The following SERINC5 variants were observed in gnomAD, a reference collection of about 807,000 sequenced individuals.
The protein encoded by SERINC5 is serine incorporator 5.
A neutral mutation model predicts 63.1 loss-of-function variants in SERINC5; 41 were observed. The observed-to-expected ratio is 0.65, with a 90% CI of 0.51 to 0.84. SERINC5 has a LOEUF of 0.84. Among genes scored for constraint, SERINC5 ranks in the 40% least tolerant of loss-of-function variants. SERINC5 has a pLI of 0.00. For synonymous variants in SERINC5, 222 were observed against 215.2 expected (o/e 1.03, Z -0.28); for missense variants, 523 against 573.0 (o/e 0.91, Z 0.89).
intron 1 of SERINC5, among the ~76,000 whole-genome samples, 159 bp downstream of exon 1, chr5:80,255,737 C>T (rs1225426323): frequency 2.6e-5 from 4 of 151,004 alleles, no homozygotes; most frequent in African/African-American, 9.7e-5. Context: ...CACAGGATTT[C>T]CCGGACGGCT....
chr5:80,206,588 G>A (rs1750176948), intron 1 of SERINC5, among the ~76,000 whole-genome samples: 1 of 152,182 alleles, frequency 6.6e-6, no homozygotes, highest in Admixed American at 6.5e-5. Flanking sequence ...GAATACACAA[G>A]TGGTATCCTA....
intron 1 of SERINC5, among the ~76,000 whole-genome samples, chr5:80,207,562 A>G (rs948137227): frequency 6.6e-6 from 1 of 152,162 alleles, no homozygotes; most frequent in Non-Finnish European, 1.5e-5. Context: ...AGAAAGCCCT[A>G]TTGGTTTAAC....
rs779893603 is a variant in SERINC5 at position 80,178,000 on chromosome 5, C to A, written c.260G>T (p.Gly87Val). The A allele has an allele frequency of 6.2e-7, 1 of 1,612,512 alleles. No homozygotes were observed. The highest frequency in any genetic ancestry group is 1.7e-5 in the Admixed American group (1 of 59,802). ...ACAGACTCTATACACGGCAGAATAT[C>A]CCACCAGCTTCTCACAGGTGTCACC... ...KAGDTCEKLV[G>V]YSAVYRVCFG... The change falls in exon 3 of 12, where the codon GGA (glycine) becomes GTA (valine). Residue 87 changes from glycine (G) to valine (V), a missense_variant. By Grantham distance (109) the Gly-to-Val change is moderately radical. Coordinates refer to ENST00000507668, the MANE Select transcript of SERINC5 (RefSeq NM_001174072.3).
At chr5:80,190,971 T>A (rs1325789411) in intron 2 of SERINC5, among the ~76,000 whole-genome samples, 2 of 152,108 alleles carry the variant, frequency 1.3e-5, no homozygotes, top group African/African-American at 4.8e-5. Flanking sequence ...AATGCTTGGT[T>A]TGGATTGTTA....
At chr5:80,134,506 AAAC>A (rs554639800), downstream of SERINC5, among the ~76,000 whole-genome samples, 313 of 152,256 alleles carry the variant, frequency 2.1e-3, 1 homozygote, top group Middle Eastern at 0.01. Flanking sequence ...AAAACAAAAT[AAAC>A]AACAACAACA....
intron 8 of SERINC5, among the ~76,000 whole-genome samples, chr5:80,153,183 C>T (rs977836355): frequency 4.6e-5 from 7 of 151,776 alleles, no homozygotes; most frequent in African/African-American, 1.7e-4. Context: ...AGTTGCCGGG[C>T]GTGGTGGCTC....
chr5:80,144,184 C>T (rs1463187141), intron 11 of SERINC5, among the ~76,000 whole-genome samples: 1 of 152,208 alleles, frequency 6.6e-6, no homozygotes, highest in Non-Finnish European at 1.5e-5. Context: ...TGTGTCAGTC[C>T]TTCATTCCTT....
chr5:80,188,836 G>T (rs886861009), intron 2 of SERINC5, among the ~76,000 whole-genome samples: 2 of 152,102 alleles, frequency 1.3e-5, no homozygotes, highest in African/African-American at 2.4e-5. Flanking sequence ...ACTGAGGTGG[G>T]AGGATCACTT....
chr5:80,216,224 T>C (rs1169079679), intron 1 of SERINC5, among the ~76,000 whole-genome samples: 2 of 152,162 alleles, frequency 1.3e-5, no homozygotes, highest in East Asian at 1.9e-4. Flanking sequence ...GGGGCTGACC[T>C]GTACACTGGA....
At chr5:80,163,739 T>C (rs1269385750) in intron 7 of SERINC5, among the ~76,000 whole-genome samples, 3 of 152,224 alleles carry the variant, frequency 2.0e-5, no homozygotes, top group Admixed American at 1.3e-4. Flanking sequence ...CATGGTATAT[T>C]ATCTTCTGAT....
chr5:80,143,538 TCTCTCTCAAAGC>T lies in SERINC5; in HGVS notation c.*113_*124del. Reference sequence around the variant, plus strand: ...AAGCTAATCAGGAGATTTTTTTTTTTCTCTCTCAAAGCTTTTTCAGACCCACTCAGGCACAGG... The same window carrying T: ...AAGCTAATCAGGAGATTTTTTTTTTTTTTTTCAGACCCACTCAGGCACAGG... On this transcript the variant is annotated 3_prime_UTR_variant, in exon 12 of 12. Coordinates refer to ENST00000507668, the MANE Select transcript of SERINC5 (RefSeq NM_001174072.3). The T allele has an allele frequency of 2.2e-6, 3 of 1,365,192 alleles. No homozygotes were observed. The highest frequency in any genetic ancestry group is 9.4e-7 in the Non-Finnish European group (1 of 1,061,616). The allele number at this position is 1,365,192 out of a possible 1,614,324, so 84.6% of individuals were successfully genotyped here.
intron 1 of SERINC5, among the ~76,000 whole-genome samples, chr5:80,216,425 C>G (rs1750665635): frequency 6.6e-6 from 1 of 152,168 alleles, no homozygotes; most frequent in Non-Finnish European, 1.5e-5. Flanking sequence ...CACCTTCAGT[C>G]TGAACACAGG....
At chr5:80,170,711 C>T (rs1747595023) in intron 5 of SERINC5, among the ~76,000 whole-genome samples, 1 of 152,178 alleles carries the variant, frequency 6.6e-6, no homozygotes, top group Non-Finnish European at 1.5e-5. Context: ...CCCCGAAGCG[C>T]CATAGTCTCT....
intron 1 of SERINC5, among the ~76,000 whole-genome samples, chr5:80,242,108 G>A (rs1561451593): frequency 1.3e-5 from 2 of 152,060 alleles, no homozygotes; most frequent in African/African-American, 2.4e-5. Flanking sequence ...TCCAGCCTGG[G>A]CAATGGAACA....
chr5:80,116,549 T>C (rs531344673), intron 11 of SERINC5, among the ~76,000 whole-genome samples: 1 of 152,200 alleles, frequency 6.6e-6, no homozygotes, highest in Non-Finnish European at 1.5e-5. Context: ...CAGGCTTACC[T>C]GCCTTTTCTC....
In SERINC5 at chr5:80,141,928, T is replaced by C. The variant is rs1198852502; in HGVS notation, c.*1735A>G. 1.0e-6 allele frequency: 1 copy of C among 984,362 alleles called. No individual in the cohort carries two copies. Among genetic ancestry groups the C allele is most frequent in the African/African-American group, 1.7e-5 (1 of 57,160 alleles). The allele number at this position is 984,362 out of a possible 1,614,324, so 61.0% of individuals were successfully genotyped here. A position where few individuals can be genotyped will look rare whatever the true frequency, so the allele number is the denominator to read the frequency against. ...CTAAAGGAATTCATCCCCTGTAATT[T>C]GTTTCCCCATGGGTTTTCTTGGGAG... On this transcript the variant is annotated 3_prime_UTR_variant, in exon 12 of 12. Coordinates refer to ENST00000507668, the MANE Select transcript of SERINC5 (RefSeq NM_001174072.3).
intron 8 of SERINC5, chr5:80,157,035 C>T (rs1400034663): frequency 6.8e-6 from 1 of 147,426 alleles, no homozygotes; most frequent in Non-Finnish European, 1.5e-5. Context: ...TCTCGTTACC[C>T]AGGCTGGAGT....
Position 80,183,437 on chromosome 5 carries a change from G to C in SERINC5, c.196-5373C>G, listed in dbSNP as rs182031170. Among the ~76,000 whole-genome samples, 5 of 152,170 alleles carry C rather than the reference G, an allele frequency of 3.3e-5. No homozygotes were observed. In the East Asian group the frequency reaches 9.7e-4, roughly 29 times the overall value. ...TGCTTTAGAACAGCAATTGGGGCTG[G>C]ATACAGGAAGTGTCAGGCCTCTGAG... On this transcript the variant is annotated intron_variant, in intron 2 of 11. Transcript: ENST00000507668.
At chr5:80,222,503 G>C (rs1750952885) in intron 1 of SERINC5, among the ~76,000 whole-genome samples, 1 of 152,062 alleles carries the variant, frequency 6.6e-6, no homozygotes, top group Admixed American at 6.6e-5. Context: ...ATCCAAAATT[G>C]TGACCTCACC....
Sources: allele counts gnomAD v4.1 joint callset (sites outside exome capture counted in the v4.1 genomes callset), GRCh38; gene constraint gnomAD v4.1.1; transcripts MANE v1.5; gene names NCBI Gene and HGNC (gene_info 2026-07-23, HGNC 2026-07-21).